The following AHI1 variants were observed in gnomAD, a reference collection of about 807,000 sequenced individuals.
AHI1 encodes the protein Abelson helper integration site 1, also known as jouberin.
AHI1 carries 123 observed loss-of-function variants against 149.3 expected under a neutral mutation model. That is an observed-to-expected ratio of 0.82 (90% CI 0.71 to 0.96). AHI1 has a LOEUF of 0.96. Ranked by LOEUF, AHI1 falls within the 40% of genes least tolerant of loss-of-function variation. The pLI, the probability that AHI1 is intolerant of heterozygous loss-of-function variation, is 0.00. For missense variants in AHI1, 1,439 were observed against 1,422.7 expected (o/e 1.01, Z -0.18); for synonymous variants, 475 against 459.8 (o/e 1.03, Z -0.42).
intron 26 of AHI1, among the ~76,000 whole-genome samples, chr6:135,316,099 C>A (rs1785907701): frequency 6.6e-6 from 1 of 152,118 alleles, no homozygotes; most frequent in South Asian, 2.1e-4. Flanking sequence ...TCCTGGATGG[C>A]ACAATCACTC....
intron 23 of AHI1, among the ~76,000 whole-genome samples, chr6:135,365,329 T>C (rs777314906): frequency 2.0e-5 from 3 of 152,206 alleles, no homozygotes; most frequent in Non-Finnish European, 4.4e-5. Flanking sequence ...AGGATTGTTT[T>C]CTAGTTCTGC....
At chr6:135,290,194 C>T (rs1239554998) in intron 28 of AHI1, among the ~76,000 whole-genome samples, 1 of 152,152 alleles carries the variant, frequency 6.6e-6, no homozygotes, top group Non-Finnish European at 1.5e-5. Flanking sequence ...ACTATTCTTA[C>T]AGTCTTTTTC....
intron 23 of AHI1, among the ~76,000 whole-genome samples, chr6:135,365,751 T>C (rs532214443): frequency 3.9e-5 from 6 of 152,344 alleles, no homozygotes; most frequent in East Asian, 3.9e-4. Flanking sequence ...AATCATATCA[T>C]TGGCAAACAG....
chr6:135,485,073 CTTTTTTT>C (rs1184120839), intron 5 of AHI1, among the ~76,000 whole-genome samples: 1 of 142,966 alleles, frequency 7.0e-6, no homozygotes, highest in Non-Finnish European at 1.5e-5. Context: ...TGTACAATTT[CTTTTTTT>C]TTTTTTTTTT....
At chr6:135,406,006 A>AG in intron 21 of AHI1, among the ~76,000 whole-genome samples, 1 of 152,272 alleles carries the variant, frequency 6.6e-6, no homozygotes, top group East Asian at 1.9e-4. Context: ...CATGGAGTTT[A>AG]GGAAAAAAAA....
intron 28 of AHI1, 80 bp from the exon 29 acceptor site, chr6:135,285,727 G>GTT: frequency 8.4e-7 from 1 of 1,194,728 alleles, no homozygotes. Context: ...AGTGTGCTCA[G>GTT]GCAACAGCAC....
chr6:135,494,098 C>T (rs538183360), intron 3 of AHI1, among the ~76,000 whole-genome samples: 1 of 152,260 alleles, frequency 6.6e-6, no homozygotes, highest in East Asian at 1.9e-4. Flanking sequence ...TCCCATGTTT[C>T]TAGAACTAGA....
At chr6:135,414,289 A>G (rs1024039296) in intron 20 of AHI1, among the ~76,000 whole-genome samples, 2 of 152,216 alleles carry the variant, frequency 1.3e-5, no homozygotes, top group African/African-American at 4.8e-5. Flanking sequence ...CAACATGTAC[A>G]AAAGTAACTC....
intron 26 of AHI1, chr6:135,302,442 T>C: frequency 2.0e-6 from 2 of 1,001,620 alleles, no homozygotes; most frequent in Non-Finnish European, 1.2e-6. Context: ...CCAATTCTGC[T>C]AAGCCTGTTC....
intron 11 of AHI1, among the ~76,000 whole-genome samples, chr6:135,452,159 A>G (rs1468158090): frequency 6.6e-6 from 1 of 152,234 alleles, no homozygotes; most frequent in African/African-American, 2.4e-5. Flanking sequence ...GAGGGCAGCT[A>G]TATACAATGT....
intron 23 of AHI1, among the ~76,000 whole-genome samples, chr6:135,364,322 C>G (rs1397824079): frequency 6.6e-6 from 1 of 151,680 alleles, no homozygotes; most frequent in Non-Finnish European, 1.5e-5. Flanking sequence ...CTCCTCACTT[C>G]CCAGATGTGA....
Position 135,285,483 on chromosome 6 carries a change from A to T in AHI1, c.*162T>A. On this transcript the variant is annotated 3_prime_UTR_variant, in exon 29 of 29. Coordinates refer to ENST00000265602, the MANE Select transcript of AHI1 (RefSeq NM_001134831.2). The stretch of plus-strand genomic sequence containing the variant: ...GGCCACGTTGATTTTTCCACCCACA[A>T]CTTGATTCTGATTTTTCTAGAGTCA... The T allele has an allele frequency of 2.6e-6, 2 of 769,104 alleles. No individual in the cohort carries two copies. Among genetic ancestry groups the T allele is most frequent in the Non-Finnish European group, 4.3e-6 (2 of 463,066 alleles). The allele number at this position is 769,104 out of a possible 1,614,324, so 47.6% of individuals were successfully genotyped here.
intron 23 of AHI1, among the ~76,000 whole-genome samples, chr6:135,390,917 G>A (rs1342678706): frequency 1.3e-5 from 2 of 152,208 alleles, no homozygotes; most frequent in Non-Finnish European, 2.9e-5. Flanking sequence ...CATGGAAACA[G>A]TTTTGAGATA....
At chr6:135,319,203 G>A (rs1786432609) in intron 25 of AHI1, among the ~76,000 whole-genome samples, 1 of 152,188 alleles carries the variant, frequency 6.6e-6, no homozygotes, top group South Asian at 2.1e-4. Flanking sequence ...CTAATTTGGG[G>A]GCAGGGCGCG....
intron 5 of AHI1, chr6:135,474,362 T>C (rs1036502099): frequency 2.0e-5 from 3 of 152,308 alleles, no homozygotes; most frequent in Admixed American, 6.5e-5. Flanking sequence ...TCCAGTACAA[T>C]TGTGAATACA....
At chr6:135,303,960 T>A (rs1784225611) in intron 26 of AHI1, among the ~76,000 whole-genome samples, 1 of 152,178 alleles carries the variant, frequency 6.6e-6, no homozygotes, top group Admixed American at 6.5e-5. Flanking sequence ...GGGAGCACAA[T>A]TTTAGGATTT....
In AHI1 at chr6:135,290,437, CT is replaced by C. The variant is rs1219467052; in HGVS notation, c.3573del (p.Val1192SerfsTer3). 3 of 1,597,840 alleles carry C rather than the reference CT, an allele frequency of 1.9e-6. No homozygotes were observed. The highest frequency in any genetic ancestry group is 2.6e-6 in the Non-Finnish European group (3 of 1,165,202). On this transcript the variant is annotated frameshift_variant, in exon 28 of 29. Transcript: ENST00000265602. LOFTEE classifies it high-confidence loss of function. The stretch of plus-strand genomic sequence containing the variant: ...TTTCCCCTTACCTCTATTAGAGTGA[CT>C]TTTCTGCCTGCTTGCTTGTTCTTCC... ...RMRKNKQAGR[K>X]VTLIE
chr6:135,459,693 T>C (rs1003367697), intron 8 of AHI1, among the ~76,000 whole-genome samples: 6 of 121,826 alleles, frequency 4.9e-5, no homozygotes, highest in African/African-American at 2.0e-4. Flanking sequence ...TTGGATGAAA[T>C]AGACACATCC....
chr6:135,405,859 C>CAAAAA (rs543403253), intron 21 of AHI1, among the ~76,000 whole-genome samples: 1 of 29,410 alleles, frequency 3.4e-5, no homozygotes, highest in African/African-American at 1.2e-4. Flanking sequence ...GACTCCAACT[C>CAAAAA]AAAAAAAAAA....
Sources: gnomAD v4.1 joint callset for allele counts (sites outside exome capture counted in the v4.1 genomes callset) on GRCh38, gnomAD v4.1.1 for gene constraint, MANE v1.5 for transcripts, NCBI Gene and HGNC (gene_info 2026-07-23, HGNC 2026-07-21) for gene names.